CCSER1: variants seen among roughly 807,000 people sequenced by gnomAD.
CCSER1 encodes coiled-coil serine rich protein 1.
A neutral mutation model predicts 82.0 loss-of-function variants in CCSER1; 41 were observed. The observed-to-expected ratio is 0.50, with a 90% confidence interval of 0.39 to 0.65. The LOEUF (loss-of-function observed/expected upper bound fraction) is 0.65. CCSER1 is among the 30% of genes least tolerant of loss of function. The pLI, the probability that CCSER1 is intolerant of heterozygous loss-of-function variation, is 0.00. For synonymous variants in CCSER1, 414 were observed against 383.9 expected (o/e 1.08, Z -0.92); for missense variants, 1,119 against 1,064.2 (o/e 1.05, Z -0.72).
At chr4:90,785,316 A>T (rs1754346944) in intron 7 of CCSER1, among the ~76,000 whole-genome samples, 1 of 152,172 alleles carries the variant, frequency 6.6e-6, no homozygotes, top group Non-Finnish European at 1.5e-5. Flanking sequence ...GGCATGAGCC[A>T]CCACGCCCAG....
chr4:90,744,755 C>A (rs1174130361), intron 7 of CCSER1, among the ~76,000 whole-genome samples: 2 of 151,980 alleles, frequency 1.3e-5, no homozygotes, highest in South Asian at 4.2e-4. Context: ...GTGAACTGCA[C>A]GTACAAGGGA....
intron 8 of CCSER1, among the ~76,000 whole-genome samples, chr4:90,856,049 C>A (rs944602965): frequency 1.3e-5 from 2 of 152,112 alleles, no homozygotes; most frequent in Non-Finnish European, 2.9e-5. Flanking sequence ...CATATTTCTA[C>A]TTTCAAATTA....
At chr4:90,151,230 A>G (rs1477183434) in intron 1 of CCSER1, among the ~76,000 whole-genome samples, 2 of 152,076 alleles carry the variant, frequency 1.3e-5, no homozygotes, top group African/African-American at 4.8e-5. Context: ...GGAATAATAA[A>G]AGCCACCAGA....
intron 9 of CCSER1, among the ~76,000 whole-genome samples, chr4:90,965,424 T>C (rs1734466208): frequency 6.6e-6 from 1 of 152,010 alleles, no homozygotes; most frequent in Admixed American, 6.5e-5. Flanking sequence ...AGTTTCTGCA[T>C]AGGTAGGAAG....
intron 6 of CCSER1, among the ~76,000 whole-genome samples, chr4:90,691,626 ATG>A (rs767675564): frequency 7.1e-4 from 75 of 106,244 alleles, no homozygotes; most frequent in Admixed American, 2.3e-3. Flanking sequence ...ATATATGTGT[ATG>A]TATATATATC....
At chr4:91,393,606 T>A (rs914112936) in intron 10 of CCSER1, among the ~76,000 whole-genome samples, 3 of 152,130 alleles carry the variant, frequency 2.0e-5, no homozygotes, top group Non-Finnish European at 4.4e-5. Context: ...TTTGTGTTGG[T>A]AAAATTTTGA....
intron 7 of CCSER1, among the ~76,000 whole-genome samples, chr4:90,732,424 A>G (rs1744921121): frequency 6.6e-6 from 1 of 152,168 alleles, no homozygotes; most frequent in Non-Finnish European, 1.5e-5. Context: ...ATTTCTGCCC[A>G]GTAAAGGCCA....
chr4:91,559,068 T>C (rs1346860463), intron 10 of CCSER1, among the ~76,000 whole-genome samples: 2 of 151,508 alleles, frequency 1.3e-5, no homozygotes, highest in African/African-American at 4.8e-5. Flanking sequence ...ACTATAAGTT[T>C]ACCTTACATA....
At chr4:90,990,275 C>G (rs1038883464) in intron 9 of CCSER1, among the ~76,000 whole-genome samples, 2 of 151,818 alleles carry the variant, frequency 1.3e-5, no homozygotes, top group Non-Finnish European at 2.9e-5. Flanking sequence ...ACCTCTGTAT[C>G]CCCTTAGGCC....
intron 4 of CCSER1, among the ~76,000 whole-genome samples, chr4:90,434,150 G>T (rs1477708502): frequency 6.6e-6 from 1 of 151,726 alleles, no homozygotes; most frequent in South Asian, 2.1e-4. Context: ...CAGAATTCTA[G>T]TTTATCCCTA....
intron 5 of CCSER1, among the ~76,000 whole-genome samples, chr4:90,592,559 A>G (rs1210553951): frequency 6.6e-6 from 1 of 152,196 alleles, no homozygotes; most frequent in Non-Finnish European, 1.5e-5. Context: ...CTTAGGATAC[A>G]TAAACTTGTA....
intron 5 of CCSER1, among the ~76,000 whole-genome samples, chr4:90,614,921 C>T (rs967350767): frequency 1.3e-5 from 2 of 152,116 alleles, no homozygotes; most frequent in African/African-American, 2.4e-5. Context: ...GAAGTCAATG[C>T]CTGACTTCAA....
chr4:90,549,541 G>A (rs1777197860), intron 5 of CCSER1, among the ~76,000 whole-genome samples: 1 of 152,144 alleles, frequency 6.6e-6, no homozygotes, highest in East Asian at 1.9e-4. Context: ...AGCAGTGGCA[G>A]ATGAAGGGAA....
At chr4:90,656,316 A>G (rs1265882599) in intron 6 of CCSER1, among the ~76,000 whole-genome samples, 1 of 151,314 alleles carries the variant, frequency 6.6e-6, no homozygotes, top group Admixed American at 6.6e-5. Context: ...ATGACTATGA[A>G]TTTTTCTATT....
At chr4:91,458,836 C>T (rs1444449734) in intron 10 of CCSER1, among the ~76,000 whole-genome samples, 2 of 152,050 alleles carry the variant, frequency 1.3e-5, no homozygotes, top group African/African-American at 2.4e-5. Flanking sequence ...GACTTTTGTA[C>T]AATGATTTTG....
chr4:90,476,008 T>G (rs2153593965), intron 5 of CCSER1, among the ~76,000 whole-genome samples: 1 of 150,952 alleles, frequency 6.6e-6, no homozygotes, highest in South Asian at 2.1e-4. Flanking sequence ...CTGGAAATTT[T>G]TCCTTCTTTT....
At chr4:91,222,191 G>A (rs1476899630) in intron 10 of CCSER1, among the ~76,000 whole-genome samples, 1 of 151,008 alleles carries the variant, frequency 6.6e-6, no homozygotes, top group Non-Finnish European at 1.5e-5. Flanking sequence ...CACGGATTAT[G>A]CTCTGCAAGA....
rs148675641 is a variant in CCSER1 at position 91,298,454 on chromosome 4, C to A, written c.2217+212460C>A. Among the ~76,000 whole-genome samples, 23 of 152,052 alleles carry A rather than the reference C, an allele frequency of 1.5e-4. No individual in the cohort carries two copies. The East Asian group carries it at 4.5e-3, about 30-fold the overall frequency. ...AGGAGGCCTGCCCTTGGCCTTTTGC[C>A]TTCCTTTTACCTTCAAAATTTTATT... On this transcript the variant is annotated intron_variant, in intron 10 of 10. Transcript: ENST00000509176.
intron 1 of CCSER1, among the ~76,000 whole-genome samples, chr4:90,244,492 A>C (rs1417667751): frequency 1.3e-5 from 2 of 152,228 alleles, no homozygotes; most frequent in Non-Finnish European, 2.9e-5. Context: ...CCATAAAAAA[A>C]TACCTGAGAC....
Sources: gnomAD v4.1 joint callset for allele counts (sites outside exome capture counted in the v4.1 genomes callset) on GRCh38, gnomAD v4.1.1 for gene constraint, MANE v1.5 for transcripts, NCBI Gene and HGNC (gene_info 2026-07-23, HGNC 2026-07-21) for gene names.